Variants in FBXL7 observed in about 807,000 individuals in gnomAD.
FBXL7 encodes the protein F-box/LRR-repeat protein 7.
In FBXL7, 12 loss-of-function variants were observed where a neutral mutation model predicts 38.3. The ratio of observed to expected loss-of-function variants is 0.31; its 90% CI spans 0.20 to 0.51. The LOEUF (loss-of-function observed/expected upper bound fraction) is 0.51. Ranked by LOEUF, FBXL7 falls within the 20% of genes least tolerant of loss-of-function variation. The probability of loss-of-function intolerance (pLI) is 0.98; values close to 1 mark genes in which losing one functional copy is unlikely to be tolerated. For missense variants in FBXL7, 567 were observed against 676.4 expected, an observed-to-expected ratio of 0.84 and a Z score of 1.79; for synonymous variants, 297 against 300.9, an observed-to-expected ratio of 0.99 and a Z score of 0.13.
At chr5:15,544,068 A>G (rs1344264250) in intron 1 of FBXL7, among the ~76,000 whole-genome samples, 2 of 152,176 alleles carry the variant, frequency 1.3e-5, no homozygotes, top group South Asian at 2.1e-4. Context: ...TGTAATTAAA[A>G]GTGGGTATAA....
intron 2 of FBXL7, among the ~76,000 whole-genome samples, chr5:15,875,824 C>G (rs1579555134): frequency 6.6e-6 from 1 of 152,146 alleles, no homozygotes; most frequent in Non-Finnish European, 1.5e-5. Flanking sequence ...TTAGTTCAAC[C>G]ATTGTGGAAG....
intron 2 of FBXL7, among the ~76,000 whole-genome samples, chr5:15,706,351 C>T (rs541221537): frequency 6.6e-6 from 1 of 152,248 alleles, no homozygotes; most frequent in East Asian, 1.9e-4. Flanking sequence ...GCCTTCTCCC[C>T]CTTTGCTTTC....
chr5:15,709,551 A>G (rs906024628), intron 2 of FBXL7, among the ~76,000 whole-genome samples: 2 of 151,870 alleles, frequency 1.3e-5, no homozygotes, highest in African/African-American at 4.8e-5. Context: ...GAAAAAAAAA[A>G]AAAAAGCAAA....
chr5:15,641,941 T>TTGTG (rs199980981), intron 2 of FBXL7, among the ~76,000 whole-genome samples: 9,859 of 141,456 alleles, frequency 0.07, 375 homozygotes, highest in African/African-American at 0.097. Context: ...ACATAAAACC[T>TTGTG]TGTGTGTGTG....
chr5:15,890,688 G>T (rs1375877098), intron 2 of FBXL7, among the ~76,000 whole-genome samples: 1 of 152,140 alleles, frequency 6.6e-6, no homozygotes, highest in African/African-American at 2.4e-5. Context: ...CTCCCTGCAT[G>T]TGTGAAAAAA....
chr5:15,771,052 G>A (rs1037548867), intron 2 of FBXL7, among the ~76,000 whole-genome samples: 3 of 152,146 alleles, frequency 2.0e-5, no homozygotes, highest in East Asian at 3.8e-4. Flanking sequence ...TCCTGTTAGA[G>A]TTAGAACTAG....
chr5:15,702,224 G>A (rs951432514), intron 2 of FBXL7, among the ~76,000 whole-genome samples: 3 of 131,560 alleles, frequency 2.3e-5, no homozygotes, highest in East Asian at 2.3e-4. Context: ...GAAACAAAGC[G>A]AGACTCCTCT....
intron 1 of FBXL7, among the ~76,000 whole-genome samples, chr5:15,544,901 A>AT (rs1216563632): frequency 6.6e-6 from 1 of 152,236 alleles, no homozygotes; most frequent in Non-Finnish European, 1.5e-5. Flanking sequence ...GGATAAGCAG[A>AT]TTATTACATA....
rs111620363 is a variant in FBXL7, at chr5:15,654,514, C to T, written c.127+38442C>T. On this transcript the variant is annotated intron_variant, in intron 2 of 3. Coordinates refer to ENST00000504595, the MANE Select transcript of FBXL7 (RefSeq NM_012304.5). ...ACAGTTTGGATGGCTGATACATATT[C>T]GGAAGCCATCTCTCTGTTTTAATAT... Among the ~76,000 whole-genome samples, 1,150 of 151,188 alleles carry T rather than the reference C, an allele frequency of 7.6e-3. 11 individuals are homozygous for T. Among genetic ancestry groups the T allele is most frequent in the Admixed American group, 0.015 (229 of 15,180 alleles).
intron 2 of FBXL7, among the ~76,000 whole-genome samples, chr5:15,818,279 T>G (rs902132626): frequency 6.6e-6 from 1 of 152,134 alleles, no homozygotes; most frequent in African/African-American, 2.4e-5. Flanking sequence ...TTTCCTCCTG[T>G]TTTTCAAACT....
At chr5:15,715,288 C>T (rs2126646618) in intron 2 of FBXL7, among the ~76,000 whole-genome samples, 1 of 152,038 alleles carries the variant, frequency 6.6e-6, no homozygotes, top group South Asian at 2.1e-4. Flanking sequence ...GTCAGGAGAT[C>T]AAGACCATTC....
At chr5:15,859,252 C>T in intron 2 of FBXL7, among the ~76,000 whole-genome samples, 1 of 152,080 alleles carries the variant, frequency 6.6e-6, no homozygotes, top group East Asian at 1.9e-4. Context: ...TCTTCTATTC[C>T]ATCCTTCCAG....
At chr5:15,657,367 A>G (rs1561072664) in intron 2 of FBXL7, among the ~76,000 whole-genome samples, 3 of 152,206 alleles carry the variant, frequency 2.0e-5, no homozygotes. Flanking sequence ...CTTATATAAA[A>G]CTACTTTAAA....
At chr5:15,851,131 C>T (rs1045107442) in intron 2 of FBXL7, among the ~76,000 whole-genome samples, 3 of 152,150 alleles carry the variant, frequency 2.0e-5, no homozygotes, top group Non-Finnish European at 2.9e-5. Context: ...TACACACACC[C>T]GGCCATTTCC....
chr5:15,803,951 T>TTCAA (rs1737638351), intron 2 of FBXL7, among the ~76,000 whole-genome samples: 1 of 152,128 alleles, frequency 6.6e-6, no homozygotes, highest in African/African-American at 2.4e-5. Context: ...CTTTGTGTCA[T>TTCAA]TCAAAGAAGA....
At chr5:15,821,380 A>G (rs558427258) in intron 2 of FBXL7, among the ~76,000 whole-genome samples, 57 of 152,284 alleles carry the variant, frequency 3.7e-4, no homozygotes, top group Middle Eastern at 6.8e-3. Context: ...AGAGAGCCCA[A>G]TCTTAGGTTG....
intron 2 of FBXL7, among the ~76,000 whole-genome samples, chr5:15,861,980 C>A (rs1561157786): frequency 6.6e-6 from 1 of 152,086 alleles, no homozygotes; most frequent in East Asian, 1.9e-4. Context: ...ATAGGCCAGG[C>A]ATAATTAGTG....
intron 2 of FBXL7, among the ~76,000 whole-genome samples, chr5:15,926,861 C>T (rs1741889291): frequency 6.6e-6 from 1 of 152,104 alleles, no homozygotes; most frequent in Non-Finnish European, 1.5e-5. Flanking sequence ...GGAGCAGACA[C>T]TGGGAGAAGT....
At chr5:15,879,572 T>C (rs971478442) in intron 2 of FBXL7, among the ~76,000 whole-genome samples, 6 of 152,160 alleles carry the variant, frequency 3.9e-5, no homozygotes, top group Non-Finnish European at 7.3e-5. Flanking sequence ...ATTCTTGGTA[T>C]AAATTCCCCC....
Sources: allele counts gnomAD v4.1 joint callset (sites outside exome capture counted in the v4.1 genomes callset), GRCh38; gene constraint gnomAD v4.1.1; transcripts MANE v1.5; gene names NCBI Gene and HGNC (gene_info 2026-07-23, HGNC 2026-07-21).